EML6: variants seen among roughly 807,000 people sequenced by gnomAD.
EML6 encodes EMAP like 6.
Under a neutral mutation model 240.1 loss-of-function variants are expected in EML6, and 154 were observed. The observed-to-expected ratio is 0.64, with a 90% CI of 0.56 to 0.73. The LOEUF is 0.73. EML6 is among the 30% of genes least tolerant of loss of function. The pLI is 0.00. For synonymous variants in EML6, 1,148 were observed against 899.0 expected, an observed-to-expected ratio of 1.28 and a Z score of -4.95; for missense variants, 2,964 against 2,474.6, an observed-to-expected ratio of 1.20 and a Z score of -4.20.
At chr2:54,946,286 C>A (rs1282207112) in intron 28 of EML6, among the ~76,000 whole-genome samples, 2 of 152,184 alleles carry the variant, frequency 1.3e-5, no homozygotes, top group Non-Finnish European at 2.9e-5. Flanking sequence ...TCTCTCACCC[C>A]CTCACCTTCC....
chr2:54,950,374 G>T (rs575930824), intron 29 of EML6, among the ~76,000 whole-genome samples: 18 of 152,326 alleles, frequency 1.2e-4, no homozygotes, highest in African/African-American at 4.3e-4. Flanking sequence ...CTGGACTTTG[G>T]CACACTGACA....
chr2:54,830,684 C>A (rs1251610858), intron 7 of EML6, among the ~76,000 whole-genome samples: 2 of 152,236 alleles, frequency 1.3e-5, no homozygotes, highest in South Asian at 2.1e-4. Context: ...GCATATCCTT[C>A]AGGCCATCCT....
chr2:54,843,661 G>A lies in EML6; in HGVS notation c.848-386G>A, dbSNP rs373788764. On this transcript the variant is annotated intron_variant, in intron 7 of 41. Transcript: ENST00000356458. ...AGATCGAGACCATCCTGGCTAACACGGTGAAACCCCGTCTCCACTAAAAAT... is the reference window on the plus strand; with the variant it reads ...AGATCGAGACCATCCTGGCTAACACAGTGAAACCCCGTCTCCACTAAAAAT... Among the ~76,000 whole-genome samples, 163 of 151,912 alleles carry A rather than the reference G, an allele frequency of 1.1e-3. 1 individual carries two copies. The highest frequency in any genetic ancestry group is 8.8e-4 in the Non-Finnish European group (60 of 67,976).
chr2:54,946,120 C>A (rs568624276), intron 28 of EML6, among the ~76,000 whole-genome samples: 1 of 152,348 alleles, frequency 6.6e-6, no homozygotes, highest in Non-Finnish European at 1.5e-5. Context: ...TCCTGATTAT[C>A]CAGTTTGTTT....
intron 24 of EML6, among the ~76,000 whole-genome samples, chr2:54,906,316 G>T (rs1416397178): frequency 1.3e-5 from 2 of 152,184 alleles, no homozygotes; most frequent in Non-Finnish European, 2.9e-5. Flanking sequence ...TGTGTCAGAT[G>T]GTGGGGATAT....
At chr2:54,940,110 G>T (rs1401478935) in intron 28 of EML6, among the ~76,000 whole-genome samples, 1 of 152,164 alleles carries the variant, frequency 6.6e-6, no homozygotes, top group East Asian at 1.9e-4. Context: ...TTTATAAATG[G>T]TGGTGCCCTT....
At position 54,868,973 on chromosome 2, in the gene EML6, AAT is replaced by A. The variant is rs1671112722; in HGVS notation, c.2052-207_2052-206del. 6 of 482,708 alleles carry A rather than the reference AAT, an allele frequency of 1.2e-5. No homozygotes were observed. The East Asian group carries it at 1.8e-4, about 15-fold the overall frequency. The allele number at this position is 482,708 out of a possible 1,614,324, so 29.9% of individuals were successfully genotyped here. ...AGGATCTGCTAACAGATTCTGTTAC[AAT>A]GTTCAGTGCCCATGTGCCTTTTTGA... On this transcript the variant is annotated intron_variant, in intron 14 of 41. Coordinates refer to ENST00000356458, the MANE Select transcript of EML6 (RefSeq NM_001039753.4).
intron 5 of EML6, among the ~76,000 whole-genome samples, chr2:54,823,878 T>TCTCTGTCTCTCTC (rs60937620): frequency 1.5e-5 from 2 of 129,122 alleles, no homozygotes; most frequent in Admixed American, 7.8e-5. Flanking sequence ...CTCTCTCTCT[T>TCTCTGTCTCTCTC]TCTGTCTCTC....
chr2:54,849,432 A>T (rs1669950716), intron 9 of EML6, among the ~76,000 whole-genome samples: 1 of 152,148 alleles, frequency 6.6e-6, no homozygotes, highest in Non-Finnish European at 1.5e-5. Flanking sequence ...ACTTAATTAA[A>T]TTTTTTGTTT....
Position 54,725,233 on chromosome 2 carries a change from C to G in EML6, c.172C>G (p.Leu58Val), listed in dbSNP as rs747792518. ...CCGCGAGCACAGCCAAAAATTCTTC[C>G]TGGGACACAACGACGACATTATCAG... ...NTREHSQKFF[L>V]GHNDDIISLA... is the part of the protein sequence containing the mutation. Residue 58 changes from leucine (L) to valine (V), a missense_variant, in exon 2 of 42, where the codon CTG becomes GTG. Physicochemically the swap from Leu to Val is conservative, Grantham distance 32. Transcript: ENST00000356458. This position sits in a 1 kb window ranked among gnomAD's most constrained non-coding sequence, Gnocchi z 4.3. 3.2e-5 allele frequency: 48 copies of G among 1,490,826 alleles called. No homozygotes were observed. Among genetic ancestry groups the G allele is most frequent in the Non-Finnish European group, 4.1e-5 (46 of 1,115,372 alleles). 92.3% of individuals were successfully genotyped at this position (1,490,826 alleles called of 1,614,324 possible).
chr2:54,952,767 G>A lies in EML6; in HGVS notation c.4312+75G>A, dbSNP rs878892232. On this transcript the variant is annotated intron_variant, in intron 31 of 41. Transcript: ENST00000356458. ...ACCTGTCAGCAATTATTGGGAGAGG[G>A]AGTGGGTGGGTTGCTTACATCCATC... is the stretch of plus-strand genomic sequence containing the variant. The A allele has an allele frequency of 2.9e-5, 29 of 991,608 alleles. No individual in the cohort carries two copies. In the South Asian group the frequency reaches 3.8e-4, roughly 13 times the overall value. 61.4% of individuals were successfully genotyped at this position (991,608 alleles called of 1,614,324 possible). A position where few individuals can be genotyped will look rare whatever the true frequency, so the allele number is the denominator to read the frequency against.
Position 54,894,911 on chromosome 2 carries a change from A to G in EML6, c.2743-4A>G. ...TATAATACCTCTCATGTGTGCCTTC[A>G]CAGGGCTTTGTAACAGGTGGAAAGG... On this transcript the variant is annotated splice_region_variant and splice_polypyrimidine_tract_variant and intron_variant, in intron 19 of 41. Transcript: ENST00000356458. The G allele has an allele frequency of 6.5e-7, 1 of 1,548,928 alleles. No homozygotes were observed. The highest frequency in any genetic ancestry group is 8.7e-7 in the Non-Finnish European group (1 of 1,144,552).
intron 26 of EML6, among the ~76,000 whole-genome samples, chr2:54,924,568 A>G (rs979340418): frequency 6.6e-6 from 1 of 152,048 alleles, no homozygotes; most frequent in African/African-American, 2.4e-5. Context: ...AAAATTATTT[A>G]TTATTTTTCA....
intron 32 of EML6, among the ~76,000 whole-genome samples, chr2:54,957,384 G>A (rs1200059442): frequency 1.3e-5 from 2 of 148,768 alleles, no homozygotes; most frequent in Non-Finnish European, 3.0e-5. Flanking sequence ...CTCTCTAGAG[G>A]AATGTGAGTC....
At chr2:54,961,803 G>T (rs919785051) in intron 35 of EML6, among the ~76,000 whole-genome samples, 1 of 151,674 alleles carries the variant, frequency 6.6e-6, no homozygotes, top group African/African-American at 2.4e-5. Flanking sequence ...TCAGGAGTTC[G>T]AGACCACCTG....
At chr2:54,945,736 G>A (rs1675664660) in intron 28 of EML6, among the ~76,000 whole-genome samples, 1 of 152,240 alleles carries the variant, frequency 6.6e-6, no homozygotes, top group Non-Finnish European at 1.5e-5. Flanking sequence ...GAGGGGGAAA[G>A]GAGGGACAAG....
Position 54,957,884 on chromosome 2 carries a change from C to G in EML6, c.4581C>G (p.Val1527=). The G allele has an allele frequency of 6.4e-7, 1 of 1,551,502 alleles. No individual in the cohort carries two copies. The highest frequency in any genetic ancestry group is 8.7e-7 in the Non-Finnish European group (1 of 1,146,992). The change falls in exon 33 of 42, where the codon GTC becomes GTG. Residue 1527 remains valine, a synonymous_variant. Coordinates refer to ENST00000356458, the MANE Select transcript of EML6 (RefSeq NM_001039753.4). Reference sequence around the variant, plus strand: ...ACACGCAGTTTGTATCTGTCGGGGTCAAACATATGAAGTTCTGGACCCTGG... The same window carrying G: ...ACACGCAGTTTGTATCTGTCGGGGTGAAACATATGAAGTTCTGGACCCTGG... ...DSDTQFVSVG[V]KHMKFWTLAG...
intron 32 of EML6, among the ~76,000 whole-genome samples, chr2:54,956,808 G>A (rs1159623187): frequency 2.0e-5 from 3 of 152,144 alleles, no homozygotes; most frequent in African/African-American, 7.2e-5. Context: ...CAAGGGAGGG[G>A]TGACAAGAAA....
chr2:54,729,639 T>C (rs981332134), intron 2 of EML6, among the ~76,000 whole-genome samples: 1 of 152,204 alleles, frequency 6.6e-6, no homozygotes, highest in Non-Finnish European at 1.5e-5. Context: ...ATTGGTCTGA[T>C]TCCAAAGCTG....
Sources: gnomAD v4.1 joint callset for allele counts (sites outside exome capture counted in the v4.1 genomes callset) on GRCh38, gnomAD v4.1.1 for gene constraint, Gnocchi (gnomAD v3.1) non-coding constraint, MANE v1.5 for transcripts, NCBI Gene and HGNC (gene_info 2026-07-23, HGNC 2026-07-21) for gene names.